The following TRMT2B variants were observed in gnomAD, a reference collection of about 807,000 sequenced individuals.
TRMT2B encodes the protein tRNA methyltransferase 2B, also known as tRNA (uracil-5-)-methyltransferase homolog B.
Under a neutral mutation model 39.7 loss-of-function variants are expected in TRMT2B, and 34 were observed. That is an observed-to-expected ratio of 0.86 (90% CI 0.65 to 1.14). The LOEUF is 1.14. TRMT2B is among the 50% of genes most tolerant of loss of function. The probability of loss-of-function intolerance (pLI) is 0.00; values close to 1 mark genes in which losing one functional copy is unlikely to be tolerated. For synonymous variants in TRMT2B, 132 were observed against 137.3 expected, an observed-to-expected ratio of 0.96 and a Z score of 0.27; for missense variants, 318 against 377.2, an observed-to-expected ratio of 0.84 and a Z score of 1.30.
the TRMT2B span, among the ~76,000 whole-genome samples, chrX:100,981,767 C>A: frequency 9.3e-6 from 1 of 107,941 alleles, no homozygotes; most frequent in Admixed American, 1.0e-4. Context: ...TGAGACTGAG[C>A]CACTGCACTC....
chrX:100,986,750 T>C, the TRMT2B span: 2 of 962,168 alleles, frequency 2.1e-6, no homozygotes, highest in South Asian at 2.4e-5. Context: ...TCTGTTTTGG[T>C]TTCACTCTTC....
chrX:100,989,135 T>A, the TRMT2B span, among the ~76,000 whole-genome samples: 2 of 110,444 alleles, frequency 1.8e-5, no homozygotes, highest in African/African-American at 3.3e-5. Flanking sequence ...TTTACTGACA[T>A]GGAAAGTTTT....
intron 2 of TRMT2B, among the ~76,000 whole-genome samples, chrX:101,048,017 C>A (rs1010007667): frequency 9.2e-6 from 1 of 108,915 alleles, no homozygotes; most frequent in Non-Finnish European, 1.9e-5. Context: ...ATTCTGTTAA[C>A]CTGCTGTGAA....
intron 4 of TRMT2B, among the ~76,000 whole-genome samples, chrX:101,038,549 A>G (rs994542404): frequency 1.8e-5 from 2 of 110,612 alleles, no homozygotes; most frequent in Non-Finnish European, 3.8e-5. Flanking sequence ...AGGAAAGGTC[A>G]AGAATGAGCT....
chrX:101,010,714 A>G lies in TRMT2B; in HGVS notation c.1389-7T>C. 8.3e-7 allele frequency: 1 copy of G among 1,207,278 alleles called. No homozygotes were observed. The highest frequency in any genetic ancestry group is 1.1e-6 in the Non-Finnish European group (1 of 893,302). On this transcript the variant is annotated splice_polypyrimidine_tract_variant and splice_region_variant and intron_variant, in intron 13 of 13. Coordinates refer to ENST00000372936, the MANE Select transcript of TRMT2B (RefSeq NM_024917.6). Reference sequence around the variant, plus strand: ...GTCTGGAGGACAGCACAGCCTGTAGAAACAGAACATAGCATCAGTTCCCAG... The same window carrying G: ...GTCTGGAGGACAGCACAGCCTGTAGGAACAGAACATAGCATCAGTTCCCAG...
At chrX:101,030,208 C>T (rs1389019123) in intron 7 of TRMT2B, among the ~76,000 whole-genome samples, 1 of 111,008 alleles carries the variant, frequency 9.0e-6, no homozygotes, top group Non-Finnish European at 1.9e-5. Context: ...TGCAGTGAGC[C>T]AAGATCACAC....
chrX:100,996,902 C>T, the TRMT2B span, among the ~76,000 whole-genome samples: 7 of 111,524 alleles, frequency 6.3e-5, no homozygotes, highest in East Asian at 8.4e-4. Context: ...CAGAGTGAGA[C>T]GCTACTCAAA....
At chrX:101,048,113 T>TACAC (rs56212711) in intron 2 of TRMT2B, among the ~76,000 whole-genome samples, 24,013 of 90,003 alleles carry the variant, frequency 0.27, 2,730 homozygotes, top group East Asian at 0.6. Context: ...TTTATACACA[T>TACAC]ACACACACAC....
chrX:101,022,450 A>G (rs1367938587), intron 8 of TRMT2B, among the ~76,000 whole-genome samples: 3 of 110,580 alleles, frequency 2.7e-5, no homozygotes, highest in South Asian at 3.8e-4. Context: ...GTGAAACCCC[A>G]TCTCTACTAA....
chrX:100,977,369 C>CT, the TRMT2B span, among the ~76,000 whole-genome samples: 583 of 56,422 alleles, frequency 0.01, 67 homozygotes, highest in African/African-American at 0.033. Flanking sequence ...CTACTCTCTT[C>CT]TTTTTTTTTT....
intron 5 of TRMT2B, chrX:101,037,638 G>A: frequency 4.2e-6 from 1 of 239,792 alleles, no homozygotes; most frequent in Non-Finnish European, 7.4e-6. Flanking sequence ...TGATACAATG[G>A]AGTCTCTATC....
chrX:101,044,134 C>T (rs947039152), intron 2 of TRMT2B, among the ~76,000 whole-genome samples: 1 of 108,111 alleles, frequency 9.2e-6, no homozygotes, highest in South Asian at 4.2e-4. Flanking sequence ...CCCAGCTACT[C>T]GGGAGGCTGA....
the TRMT2B span, among the ~76,000 whole-genome samples, chrX:100,996,903 G>A: frequency 1.8e-5 from 2 of 111,595 alleles, no homozygotes; most frequent in Admixed American, 1.9e-4. Context: ...AGAGTGAGAC[G>A]CTACTCAAAA....
chrX:101,038,181 A>G (rs1470128234), intron 4 of TRMT2B, 130 bp from the exon 5 acceptor site: 1 of 506,620 alleles, frequency 2.0e-6, no homozygotes. Flanking sequence ...CAGCCTGACC[A>G]ACATGAAGAA....
rs749717639 is a variant in TRMT2B at position 101,022,034 on chromosome X, A to G, written c.785T>C (p.Val262Ala). 4.1e-6 allele frequency: 5 copies of G among 1,210,342 alleles called. No homozygotes were observed. The Admixed American group carries it at 8.7e-5, about 21-fold the overall frequency. Reference protein sequence around the residue: ...QEELHVQKEIVKEFFIRGPGA... With the variant: ...QEELHVQKEIAKEFFIRGPGA... ...AGGACCTCTGATGAAAAATTCCTTT[A>G]CAATCTCCTTCTGAACATGGAGCTC... The change falls in exon 9 of 14, where the codon GTA becomes GCA. Residue 262 changes from valine to alanine, a missense_variant. Physicochemically the swap from Val to Ala is moderately conservative, Grantham distance 64. Transcript: ENST00000372936.
At chrX:100,983,179 G>A in the TRMT2B span, among the ~76,000 whole-genome samples, 4 of 110,679 alleles carry the variant, frequency 3.6e-5, no homozygotes, top group Admixed American at 9.6e-5. Context: ...GGGAACAACC[G>A]CTCACAGCAT....
chrX:101,004,514 T>TG (rs1225105791), downstream of TRMT2B, among the ~76,000 whole-genome samples: 21 of 110,520 alleles, frequency 1.9e-4, no homozygotes, highest in East Asian at 3.1e-3. Flanking sequence ...TTTTTGTTTT[T>TG]TTTTGAGATG....
At chrX:101,047,327 T>A (rs1188753445) in intron 2 of TRMT2B, among the ~76,000 whole-genome samples, 1 of 111,043 alleles carries the variant, frequency 9.0e-6, no homozygotes, top group African/African-American at 3.3e-5. Flanking sequence ...TGTCATGACG[T>A]GTTTAAAGAC....
intron 3 of TRMT2B, 134 bp downstream of exon 3, chrX:101,041,908 T>C: frequency 2.7e-6 from 2 of 745,089 alleles, no homozygotes; most frequent in Non-Finnish European, 3.9e-6. Context: ...TCCTCAAATT[T>C]GCCCTGGGTA....
Sources: gnomAD v4.1 joint callset for allele counts (sites outside exome capture counted in the v4.1 genomes callset) on GRCh38, gnomAD v4.1.1 for gene constraint, MANE v1.5 for transcripts, NCBI Gene and HGNC (gene_info 2026-07-23, HGNC 2026-07-21) for gene names.